Variants in ZCCHC14 observed in about 807,000 individuals in gnomAD.
ZCCHC14 encodes the protein zinc finger CCHC-type containing 14.
A neutral mutation model predicts 85.0 loss-of-function variants in ZCCHC14; 16 were observed. The ratio of observed to expected loss-of-function variants is 0.19; its 90% confidence interval spans 0.13 to 0.29. ZCCHC14 has a LOEUF of 0.29. Ranked by LOEUF, ZCCHC14 falls within the 10% of genes least tolerant of loss-of-function variation. The probability of loss-of-function intolerance (pLI) is 1.00; values close to 1 mark genes in which losing one functional copy is unlikely to be tolerated. For missense variants in ZCCHC14, 1,303 were observed against 1,443.5 expected, an observed-to-expected ratio of 0.90 and a Z score of 1.58; for synonymous variants, 775 against 630.7, an observed-to-expected ratio of 1.23 and a Z score of -3.43.
chr16:87,467,717 T>G (rs894512031), intron 1 of ZCCHC14: 1 of 655,496 alleles, frequency 1.5e-6, no homozygotes, highest in African/African-American at 1.8e-5. Context: ...AGTGGTGCGA[T>G]CTTGGCTCAC....
intron 8 of ZCCHC14, 91 bp from the exon 9 acceptor site, chr16:87,415,458 C>T (rs1908733188): frequency 8.8e-7 from 1 of 1,130,996 alleles, no homozygotes; most frequent in Non-Finnish European, 1.3e-6. Flanking sequence ...TACATTTATT[C>T]TGCCTCTGGG....
intron 2 of ZCCHC14, among the ~76,000 whole-genome samples, chr16:87,449,555 T>A (rs1417986565): frequency 6.6e-6 from 1 of 151,958 alleles, no homozygotes; most frequent in Non-Finnish European, 1.5e-5. Flanking sequence ...TCTCTTTAGG[T>A]CAACAGAGAC....
At chr16:87,458,635 C>T (rs562584556) in intron 2 of ZCCHC14, among the ~76,000 whole-genome samples, 453 of 152,260 alleles carry the variant, frequency 3.0e-3, no homozygotes, top group African/African-American at 0.01. Context: ...GTTGTCAGAA[C>T]GGGACTTTAG....
At chr16:87,472,584 G>GT (rs1456085094) in intron 1 of ZCCHC14, 1 of 152,390 alleles carries the variant, frequency 6.6e-6, no homozygotes, top group African/African-American at 2.4e-5. Context: ...GGAGCAACAG[G>GT]TGACAGCGAG....
intron 1 of ZCCHC14, among the ~76,000 whole-genome samples, chr16:87,481,613 G>C (rs1912284081): frequency 7.0e-6 from 1 of 142,666 alleles, no homozygotes; most frequent in Non-Finnish European, 1.5e-5. Context: ...GGGAAAGAAA[G>C]GGAGACCCTG....
In ZCCHC14 at chr16:87,407,057, G is replaced by T. The variant is rs1433154406; in HGVS notation, c.*3223C>A. 6.6e-6 allele frequency: 1 copy of T among 152,276 alleles called. No individual in the cohort carries two copies. The highest frequency in any genetic ancestry group is 2.4e-5 in the African/African-American group (1 of 41,456). The allele number at this position is 152,276 out of a possible 1,614,324, so 9.4% of individuals were successfully genotyped here. A position where few individuals can be genotyped will look rare whatever the true frequency, so the allele number is the denominator to read the frequency against. On this transcript the variant is annotated 3_prime_UTR_variant, in exon 13 of 13. Transcript: ENST00000671377. ...TGACAAGAAAATGACAGGGAGCAAG[G>T]AGGGTGCAACCCAGTTCCCATCTGG...
At chr16:87,456,532 CCA>C (rs1491310605) in intron 2 of ZCCHC14, among the ~76,000 whole-genome samples, 12 of 7,834 alleles carry the variant, frequency 1.5e-3, no homozygotes, top group Admixed American at 5.8e-3. Context: ...GACTCTGTCT[CCA>C]AAAAAAAAAA....
intron 3 of ZCCHC14, among the ~76,000 whole-genome samples, chr16:87,430,910 C>T (rs1359072905): frequency 1.3e-5 from 2 of 152,020 alleles, no homozygotes; most frequent in East Asian, 1.9e-4. Flanking sequence ...GAGGCTGAGG[C>T]GGGCAGATCG....
At chr16:87,474,900 G>C (rs1241445606) in intron 1 of ZCCHC14, among the ~76,000 whole-genome samples, 1 of 152,218 alleles carries the variant, frequency 6.6e-6, no homozygotes, top group Non-Finnish European at 1.5e-5. Flanking sequence ...AGAGATATTA[G>C]CTGCTGATAA....
intron 2 of ZCCHC14, among the ~76,000 whole-genome samples, chr16:87,457,474 G>A (rs1159939001): frequency 6.6e-6 from 1 of 152,182 alleles, no homozygotes; most frequent in African/African-American, 2.4e-5. Context: ...AATTAAATAG[G>A]TATAATCAGC....
chr16:87,438,258 G>C (rs780156932), intron 2 of ZCCHC14, among the ~76,000 whole-genome samples: 1 of 152,272 alleles, frequency 6.6e-6, no homozygotes, highest in Non-Finnish European at 1.5e-5. Context: ...ACGGGGGCTG[G>C]ACTCTGTGTG....
chr16:87,450,796 T>C (rs1910660876), intron 2 of ZCCHC14, among the ~76,000 whole-genome samples: 1 of 152,150 alleles, frequency 6.6e-6, no homozygotes, highest in Non-Finnish European at 1.5e-5. Flanking sequence ...GCTCAAGTGA[T>C]CTGCCTGCCT....
Position 87,487,444 on chromosome 16 carries a change from G to C in ZCCHC14, c.570+4225C>G, listed in dbSNP as rs544076782. Among the ~76,000 whole-genome samples the C allele has an allele frequency of 1.4e-3, 220 of 152,224 alleles. 1 individual carries two copies. Among genetic ancestry groups the C allele is most frequent in the Non-Finnish European group, 2.1e-3 (146 of 68,006 alleles). ...CAGGCCCTGCTCCCCCATACCTGTCGCTGACCAAATGCACCAGCCCGGAGG... is the reference window on the plus strand; with the variant it reads ...CAGGCCCTGCTCCCCCATACCTGTCCCTGACCAAATGCACCAGCCCGGAGG... On this transcript the variant is annotated intron_variant, in intron 1 of 12. Coordinates refer to ENST00000671377, the MANE Select transcript of ZCCHC14 (RefSeq NM_015144.3).
chr16:87,458,234 G>A (rs768776013), intron 2 of ZCCHC14, among the ~76,000 whole-genome samples: 1 of 152,166 alleles, frequency 6.6e-6, no homozygotes, highest in Non-Finnish European at 1.5e-5. Context: ...CAAAGGAAGC[G>A]GCACTCCACG....
intron 2 of ZCCHC14, among the ~76,000 whole-genome samples, chr16:87,454,037 G>T (rs1397106890): frequency 6.6e-6 from 1 of 152,098 alleles, no homozygotes; most frequent in Non-Finnish European, 1.5e-5. Flanking sequence ...CCATTAGCTT[G>T]GTGTACCAGC....
chr16:87,457,664 A>C (rs1911041902), intron 2 of ZCCHC14, among the ~76,000 whole-genome samples: 1 of 152,220 alleles, frequency 6.6e-6, no homozygotes, highest in East Asian at 1.9e-4. Context: ...CTGAAGAAGC[A>C]GAGAAAAACC....
At chr16:87,463,790 A>G (rs544218474) in intron 1 of ZCCHC14, among the ~76,000 whole-genome samples, 1 of 152,032 alleles carries the variant, frequency 6.6e-6, no homozygotes, top group Admixed American at 6.6e-5. Context: ...ACCATATTGC[A>G]CTCCATCCCG....
intron 3 of ZCCHC14, 108 bp downstream of exon 3, chr16:87,433,020 G>A (rs1003284472): frequency 3.8e-5 from 39 of 1,016,918 alleles, no homozygotes; most frequent in Admixed American, 1.4e-4. Flanking sequence ...GCACTGGCAC[G>A]GGGCTTTGCA....
chr16:87,487,640 C>T (rs973575359), intron 1 of ZCCHC14, among the ~76,000 whole-genome samples: 22 of 152,244 alleles, frequency 1.4e-4, no homozygotes, highest in African/African-American at 5.1e-4. Flanking sequence ...ACAGAGGATG[C>T]GCTAAGTGTT....
Sources: gnomAD v4.1 joint callset for allele counts (sites outside exome capture counted in the v4.1 genomes callset) on GRCh38, gnomAD v4.1.1 for gene constraint, MANE v1.5 for transcripts, NCBI Gene and HGNC (gene_info 2026-07-23, HGNC 2026-07-21) for gene names.